Variants in CNTNAP5 observed in about 807,000 individuals in gnomAD.
The protein encoded by CNTNAP5 is contactin associated protein family member 5, also known as contactin-associated protein-like 5.
In CNTNAP5, 72 loss-of-function variants were observed where a neutral mutation model predicts 150.2. The ratio of observed to expected loss-of-function variants is 0.48; its 90% CI spans 0.40 to 0.58. The LOEUF (loss-of-function observed/expected upper bound fraction) is 0.58, where lower values mean the gene tolerates loss of function less well. CNTNAP5 is among the 20% of genes least tolerant of loss of function. The pLI is 0.00. For missense variants in CNTNAP5, 1,636 were observed against 1,626.2 expected, an observed-to-expected ratio of 1.01 and a Z score of -0.10; for synonymous variants, 672 against 619.8, an observed-to-expected ratio of 1.08 and a Z score of -1.25.
At chr2:124,193,564 T>C (rs1179295111) in intron 1 of CNTNAP5, among the ~76,000 whole-genome samples, 1 of 152,112 alleles carries the variant, frequency 6.6e-6, no homozygotes, top group Admixed American at 6.5e-5. Context: ...GGGGAAGAAA[T>C]ATCCCTGAAG....
chr2:124,604,230 A>G (rs34282335), intron 11 of CNTNAP5, among the ~76,000 whole-genome samples: 16,804 of 152,214 alleles, frequency 0.11, 1,198 homozygotes, highest in South Asian at 0.2. Flanking sequence ...TGCATTTTAT[A>G]TTTTATCTTT....
At chr2:124,374,993 A>C (rs74928958) in intron 3 of CNTNAP5, among the ~76,000 whole-genome samples, 2,546 of 152,234 alleles carry the variant, frequency 0.017, 36 homozygotes, top group South Asian at 0.032. Flanking sequence ...CTAAAATTCT[A>C]TGAATCTAAC....
intron 13 of CNTNAP5, among the ~76,000 whole-genome samples, chr2:124,654,631 T>C (rs542830260): frequency 1.3e-5 from 2 of 152,276 alleles, no homozygotes; most frequent in East Asian, 1.9e-4. Flanking sequence ...ACTTTCACCA[T>C]GCTCACAAAG....
chr2:124,696,283 A>G (rs1054003158), intron 13 of CNTNAP5, among the ~76,000 whole-genome samples: 1 of 152,176 alleles, frequency 6.6e-6, no homozygotes, highest in Non-Finnish European at 1.5e-5. Flanking sequence ...AAGAGGCAGG[A>G]AACAATGCAG....
intron 11 of CNTNAP5, among the ~76,000 whole-genome samples, chr2:124,587,553 G>T (rs570274572): frequency 2.6e-5 from 4 of 152,210 alleles, no homozygotes; most frequent in African/African-American, 9.6e-5. Context: ...TTTTTTAAAA[G>T]ATCTCTTATT....
chr2:124,674,020 C>A (rs910317048), intron 13 of CNTNAP5, among the ~76,000 whole-genome samples: 2 of 152,062 alleles, frequency 1.3e-5, no homozygotes, highest in African/African-American at 4.8e-5. Context: ...CATTCCTGCT[C>A]CCACCTTGCC....
intron 1 of CNTNAP5, among the ~76,000 whole-genome samples, chr2:124,166,699 T>C (rs550817859): frequency 6.6e-6 from 1 of 152,276 alleles, no homozygotes; most frequent in East Asian, 1.9e-4. Flanking sequence ...TAGGTTTCCT[T>C]CCATGCAGTG....
At chr2:124,170,489 A>G (rs1351942791) in intron 1 of CNTNAP5, among the ~76,000 whole-genome samples, 1 of 152,200 alleles carries the variant, frequency 6.6e-6, no homozygotes, top group Non-Finnish European at 1.5e-5. Flanking sequence ...AGATGGTGCT[A>G]TTAAATCACA....
intron 22 of CNTNAP5, among the ~76,000 whole-genome samples, chr2:124,904,062 AAAC>A (rs1262478222): frequency 1.4e-5 from 2 of 146,938 alleles, no homozygotes; most frequent in African/African-American, 2.6e-5. Flanking sequence ...TCAAAAAAAA[AAAC>A]AAAAAAAAAA....
At chr2:124,252,938 G>A (rs574306732) in intron 3 of CNTNAP5, among the ~76,000 whole-genome samples, 8 of 151,840 alleles carry the variant, frequency 5.3e-5, no homozygotes, top group Admixed American at 2.0e-4. Flanking sequence ...TGTAGAAGGC[G>A]ATCTTATTAT....
Position 124,025,352 on chromosome 2 carries a change from T to TTAAAAA in CNTNAP5, c.-299_-298insTAAAAA. 2.8e-6 allele frequency: 1 copy of TTAAAAA among 361,012 alleles called. No homozygotes were observed. Among genetic ancestry groups the TTAAAAA allele is most frequent in the Non-Finnish European group, 5.2e-6 (1 of 190,624 alleles). The allele number at this position is 361,012 out of a possible 1,614,324, so 22.4% of individuals were successfully genotyped here. ...CACCGAGCTCCGGCGCCTGTCGTTC[T>TTAAAAA]AATTGGGTTTGGATTTGCACCGTTA... is the stretch of plus-strand genomic sequence containing the variant. On this transcript the variant is annotated 5_prime_UTR_variant, in exon 1 of 24. Coordinates refer to ENST00000682447, the MANE Select transcript of CNTNAP5 (RefSeq NM_001367498.1).
chr2:124,516,367 G>T (rs1405776333), intron 8 of CNTNAP5, among the ~76,000 whole-genome samples: 2 of 152,164 alleles, frequency 1.3e-5, no homozygotes, highest in Non-Finnish European at 2.9e-5. Flanking sequence ...GAGCATGTAT[G>T]AGAGGACATA....
chr2:124,316,354 A>G lies in CNTNAP5; in HGVS notation c.381+73961A>G, dbSNP rs140041942. Among the ~76,000 whole-genome samples, 317 of 152,316 alleles carry G rather than the reference A, an allele frequency of 2.1e-3. 1 individual carries two copies. Among genetic ancestry groups the G allele is most frequent in the Admixed American group, 3.5e-3 (53 of 15,304 alleles). The stretch of plus-strand genomic sequence containing the variant: ...AATTTTCTTCCTGTGAAGTTGCCTA[A>G]TATCTCTTTAACTCAATTAGCACAT... On this transcript the variant is annotated intron_variant, in intron 3 of 23. Coordinates refer to ENST00000682447, the MANE Select transcript of CNTNAP5 (RefSeq NM_001367498.1).
intron 14 of CNTNAP5, among the ~76,000 whole-genome samples, chr2:124,749,980 C>G (rs937103411): frequency 6.6e-6 from 1 of 152,154 alleles, no homozygotes; most frequent in African/African-American, 2.4e-5. Context: ...CCTCTCCCTC[C>G]TTTGACTTGC....
In CNTNAP5 at chr2:124,216,621, T is replaced by A. The variant is rs1362443470; in HGVS notation, c.83-5084T>A. Among the ~76,000 whole-genome samples, 3 of 152,152 alleles carry A rather than the reference T, an allele frequency of 2.0e-5. No homozygotes were observed. In the East Asian group the frequency reaches 5.8e-4, roughly 29 times the overall value. ...GTTCTCATTGTTCAATTCCCACCTA[T>A]GAGTGAGAACATGCGGTGTTTGGTT... On this transcript the variant is annotated intron_variant, in intron 1 of 23. Coordinates refer to ENST00000682447, the MANE Select transcript of CNTNAP5 (RefSeq NM_001367498.1).
At chr2:124,241,784 G>A (rs1454091690) in intron 2 of CNTNAP5, among the ~76,000 whole-genome samples, 5 of 151,900 alleles carry the variant, frequency 3.3e-5, no homozygotes, top group African/African-American at 1.2e-4. Context: ...ACTAAAACAA[G>A]GAAGAGAAGG....
intron 3 of CNTNAP5, among the ~76,000 whole-genome samples, chr2:124,398,807 C>T (rs141100060): frequency 3.9e-5 from 6 of 152,228 alleles, no homozygotes; most frequent in African/African-American, 7.2e-5. Context: ...GTAATGAACT[C>T]GCTTGTCAGA....
intron 21 of CNTNAP5, 60 bp from the exon 22 acceptor site, chr2:124,902,822 G>A (rs1366141440): frequency 5.1e-6 from 6 of 1,184,034 alleles, no homozygotes; most frequent in South Asian, 4.4e-5. Context: ...AGAGGACCCA[G>A]CATATAATTT....
intron 19 of CNTNAP5, among the ~76,000 whole-genome samples, chr2:124,844,075 G>T (rs1404821533): frequency 6.6e-6 from 1 of 151,968 alleles, no homozygotes; most frequent in South Asian, 2.1e-4. Context: ...TGGTCATGAA[G>T]TCTTTGTCTA....
Sources: allele counts gnomAD v4.1 joint callset (sites outside exome capture counted in the v4.1 genomes callset), GRCh38; gene constraint gnomAD v4.1.1; transcripts MANE v1.5; gene names NCBI Gene and HGNC (gene_info 2026-07-23, HGNC 2026-07-21).